Variants in ODR4 observed in about 807,000 individuals in gnomAD.
The protein encoded by ODR4 is protein odr-4 homolog.
In ODR4, 47 loss-of-function variants were observed where a neutral mutation model predicts 60.2. The ratio of observed to expected loss-of-function variants is 0.78; its 90% CI spans 0.62 to 1.00. The LOEUF is 1.00. Among genes scored for constraint, ODR4 ranks in the 50% least tolerant of loss-of-function variants. The pLI is 0.00. For synonymous variants in ODR4, 178 were observed against 175.5 expected (o/e 1.01, Z -0.11); for missense variants, 488 against 530.8 (o/e 0.92, Z 0.79).
At chr1:186,399,119 A>T in intron 11 of ODR4, 75 bp downstream of exon 11, 1 of 925,556 alleles carries the variant, frequency 1.1e-6, no homozygotes, top group Non-Finnish European at 1.7e-6. Context: ...TATAGCAGAT[A>T]CGTCATCTTT....
intron 11 of ODR4, chr1:186,400,968 GTGGTGTA>G: frequency 7.1e-7 from 1 of 1,399,380 alleles, no homozygotes; most frequent in Non-Finnish European, 9.8e-7. Flanking sequence ...GGTAACTCCT[GTGGTGTA>G]AATCATTGCT....
At chr1:186,410,667 A>T (rs559677880) in intron 12 of ODR4, among the ~76,000 whole-genome samples, 1 of 152,352 alleles carries the variant, frequency 6.6e-6, no homozygotes, top group East Asian at 1.9e-4. Flanking sequence ...TCTCTATTAT[A>T]GGCATTAGCA....
intron 1 of ODR4, among the ~76,000 whole-genome samples, chr1:186,379,527 TTTGATCTCTCATGTCAACTCTGG>T (rs1423599976): frequency 6.6e-6 from 1 of 152,004 alleles, no homozygotes; most frequent in Non-Finnish European, 1.5e-5. Flanking sequence ...GAGTAAAAGG[TTTGATCTCTCATGTCAACTCTGG>T]TTGATTTGTG....
At chr1:186,417,740 CTCTT>C in intron 13 of ODR4, 86 bp downstream of exon 13, 1 of 762,554 alleles carries the variant, frequency 1.3e-6, no homozygotes, top group East Asian at 2.8e-5. Flanking sequence ...TATTTCATTT[CTCTT>C]TCTTAAGATT....
At chr1:186,383,911 T>G (rs995109063) in intron 3 of ODR4, among the ~76,000 whole-genome samples, 1 of 151,992 alleles carries the variant, frequency 6.6e-6, no homozygotes, top group Non-Finnish European at 1.5e-5. Flanking sequence ...TGGTGGCAGG[T>G]GCCTGTAATC....
chr1:186,386,307 T>C (rs1660246618), intron 4 of ODR4, among the ~76,000 whole-genome samples: 2 of 152,174 alleles, frequency 1.3e-5, no homozygotes, highest in Non-Finnish European at 2.9e-5. Context: ...ATTTTTTCCA[T>C]GGGTAATTTT....
rs762618099 is a variant in ODR4, at chr1:186,398,938, G to T, written c.910-16G>T. On this transcript the variant is annotated splice_polypyrimidine_tract_variant and intron_variant, in intron 10 of 13. Transcript: ENST00000287859. The stretch of plus-strand genomic sequence containing the variant: ...TTTTATTTCTTACTGTGTTTTTTGT[G>T]TGTTTTTCCCTGTAGGCAGTAAAGA... 2.6e-6 allele frequency: 4 copies of T among 1,551,650 alleles called. No individual in the cohort carries two copies. In the Admixed American group the frequency reaches 5.9e-5, roughly 23 times the overall value.
Position 186,388,542 on chromosome 1 carries a change from C to CA in ODR4, c.437dup (p.Ile147AsnfsTer7). ...GTGACACTTCACATTTGTGCTTCTA[C>CA]AAAAAAGTATCTTTTGTTCAGTTTA... is the stretch of plus-strand genomic sequence containing the variant. On this transcript the variant is annotated frameshift_variant, in exon 5 of 14. Coordinates refer to ENST00000287859, the MANE Select transcript of ODR4 (RefSeq NM_017847.6). LOFTEE classifies it high-confidence loss of function. 2.0e-6 allele frequency: 3 copies of CA among 1,515,614 alleles called. No homozygotes were observed. Among genetic ancestry groups the CA allele is most frequent in the Admixed American group, 2.2e-5 (1 of 45,562 alleles). The allele number at this position is 1,515,614 out of a possible 1,614,324, so 93.9% of individuals were successfully genotyped here. A position where few individuals can be genotyped will look rare whatever the true frequency, so the allele number is the denominator to read the frequency against.
intron 10 of ODR4, 41 bp downstream of exon 10, chr1:186,398,482 A>G (rs776540049): frequency 3.2e-6 from 5 of 1,540,126 alleles, no homozygotes; most frequent in African/African-American, 1.4e-5. Context: ...CATGTTAACT[A>G]TTAACAAAAA....
At chr1:186,399,993 T>C (rs1335278182) in intron 11 of ODR4, among the ~76,000 whole-genome samples, 1 of 138,602 alleles carries the variant, frequency 7.2e-6, no homozygotes, top group Non-Finnish European at 1.5e-5. Flanking sequence ...TTTTTTTCTT[T>C]TTTTTTTTTT....
intron 12 of ODR4, among the ~76,000 whole-genome samples, chr1:186,413,955 A>G (rs1181872987): frequency 1.3e-5 from 2 of 152,108 alleles, no homozygotes; most frequent in Non-Finnish European, 2.9e-5. Flanking sequence ...TCTTAACATG[A>G]TCAGTTTTCG....
intron 11 of ODR4, among the ~76,000 whole-genome samples, chr1:186,400,235 C>A (rs930040152): frequency 2.0e-5 from 3 of 150,842 alleles, no homozygotes; most frequent in African/African-American, 7.3e-5. Flanking sequence ...CGTGATCCGC[C>A]CGTCTCGGCC....
intron 3 of ODR4, 46 bp from the exon 4 acceptor site, chr1:186,385,942 G>T (rs926967151): frequency 8.4e-7 from 1 of 1,193,906 alleles, no homozygotes; most frequent in Non-Finnish European, 1.2e-6. Flanking sequence ...AGAAAGGATT[G>T]CATATAATGC....
At chr1:186,385,942 G>A (rs926967151) in intron 3 of ODR4, 46 bp from the exon 4 acceptor site, 1 of 1,193,908 alleles carries the variant, frequency 8.4e-7, no homozygotes, top group East Asian at 2.5e-5. Context: ...AGAAAGGATT[G>A]CATATAATGC....
the ODR4 span, among the ~76,000 whole-genome samples, chr1:186,428,204 A>G: frequency 2.0e-5 from 3 of 152,340 alleles, no homozygotes; most frequent in African/African-American, 7.2e-5. Context: ...AGACTGTTTA[A>G]TCTACATTGA....
chr1:186,386,510 T>C, intron 4 of ODR4, among the ~76,000 whole-genome samples: 1 of 152,178 alleles, frequency 6.6e-6, no homozygotes, highest in Middle Eastern at 3.4e-3. Flanking sequence ...TATTGAAAAA[T>C]TCAAATGATT....
Position 186,383,177 on chromosome 1 carries a change from A to G in ODR4, c.234+21A>G, listed in dbSNP as rs762598856. Reference sequence around the variant, plus strand: ...GCCAGGTTATCTTATTTTTTTGTTTATATGTTTAAGTTTTATTTCAAAAAA... The same window carrying G: ...GCCAGGTTATCTTATTTTTTTGTTTGTATGTTTAAGTTTTATTTCAAAAAA... On this transcript the variant is annotated intron_variant, in intron 3 of 13. Coordinates refer to ENST00000287859, the MANE Select transcript of ODR4 (RefSeq NM_017847.6). The G allele has an allele frequency of 1.4e-5, 21 of 1,540,448 alleles. No homozygotes were observed. The Admixed American group carries it at 2.3e-4, about 17-fold the overall frequency.
chr1:186,421,879 A>AAAATG (rs59883604), downstream of ODR4, among the ~76,000 whole-genome samples: 1 of 135,136 alleles, frequency 7.4e-6, no homozygotes, highest in African/African-American at 2.8e-5. Flanking sequence ...AAAAAAAAAA[A>AAAATG]ATGATGAATC....
At chr1:186,393,131 A>T (rs1660532844) in intron 8 of ODR4, among the ~76,000 whole-genome samples, 1 of 152,178 alleles carries the variant, frequency 6.6e-6, no homozygotes, top group South Asian at 2.1e-4. Flanking sequence ...AAAAACACAC[A>T]CTAAAAGGAG....
Sources: allele counts gnomAD v4.1 joint callset (sites outside exome capture counted in the v4.1 genomes callset), GRCh38; gene constraint gnomAD v4.1.1; transcripts MANE v1.5; gene names NCBI Gene and HGNC (gene_info 2026-07-23, HGNC 2026-07-21).